TPST1: variants seen among roughly 807,000 people sequenced by gnomAD.
TPST1 encodes tyrosylprotein sulfotransferase 1.
In TPST1, 20 loss-of-function variants were observed where a neutral mutation model predicts 34.8. The observed-to-expected ratio is 0.57, with a 90% CI of 0.40 to 0.84. The LOEUF is 0.84. Ranked by LOEUF, TPST1 falls within the 40% of genes least tolerant of loss-of-function variation. The pLI is 0.00. For missense variants in TPST1, 353 were observed against 455.5 expected, an observed-to-expected ratio of 0.78 and a Z score of 2.05; for synonymous variants, 152 against 159.4, an observed-to-expected ratio of 0.95 and a Z score of 0.35.
intron 2 of TPST1, among the ~76,000 whole-genome samples, chr7:66,252,348 G>A (rs1450870775): frequency 4.5e-5 from 6 of 132,424 alleles, no homozygotes; most frequent in Admixed American, 7.9e-5. Context: ...TTGAGCCACC[G>A]CGCCCAGCCT....
chr7:66,238,591 C>T (rs1435855954), intron 1 of TPST1, among the ~76,000 whole-genome samples: 1 of 152,140 alleles, frequency 6.6e-6, no homozygotes, highest in African/African-American at 2.4e-5. Flanking sequence ...TCCAGGAAAC[C>T]TCAGTCTTTG....
At chr7:66,246,311 G>A in intron 2 of TPST1, among the ~76,000 whole-genome samples, 1 of 150,092 alleles carries the variant, frequency 6.7e-6, no homozygotes, top group African/African-American at 2.4e-5. Flanking sequence ...GATTACCGCT[G>A]TGAGCTGCCA....
intron 3 of TPST1, among the ~76,000 whole-genome samples, chr7:66,306,734 T>C (rs1030514599): frequency 6.6e-6 from 1 of 152,196 alleles, no homozygotes; most frequent in African/African-American, 2.4e-5. Flanking sequence ...TGTTTTGAGA[T>C]GGAGTTTCAC....
chr7:66,273,005 T>A (rs1790735217), intron 2 of TPST1, among the ~76,000 whole-genome samples: 1 of 152,190 alleles, frequency 6.6e-6, no homozygotes, highest in Admixed American at 6.5e-5. Flanking sequence ...CTCTGTTTGC[T>A]GATGACATGA....
rs541950477 is a variant in TPST1 at position 66,208,737 on chromosome 7, G to T, written c.-102+3215G>T. Among the ~76,000 whole-genome samples the T allele has an allele frequency of 2.0e-5, 3 of 152,182 alleles. No individual in the cohort carries two copies. The East Asian group carries it at 5.8e-4, about 30-fold the overall frequency. On this transcript the variant is annotated intron_variant, in intron 1 of 5. Coordinates refer to ENST00000304842, the MANE Select transcript of TPST1 (RefSeq NM_003596.4). ...GCCTGCCTCAGCCTCCCAAAGTGCT[G>T]GGATTACAGGCGTGAGCCACTGTGC...
rs1789446347 is a variant in TPST1 at position 66,217,429 on chromosome 7, CTT to C, written c.-102+11908_-102+11909del. Among the ~76,000 whole-genome samples the C allele has an allele frequency of 2.0e-5, 3 of 152,128 alleles. 1 individual carries two copies. In the South Asian group the frequency reaches 6.2e-4, roughly 31 times the overall value. On this transcript the variant is annotated intron_variant, in intron 1 of 5. Coordinates refer to ENST00000304842, the MANE Select transcript of TPST1 (RefSeq NM_003596.4). ...TTTGATGAATTGTTGGATTTTCCCTCTTATAAAATGTCTTTTTTGTCTCTTTT... is the reference window on the plus strand; with the variant it reads ...TTTGATGAATTGTTGGATTTTCCCTCATAAAATGTCTTTTTTGTCTCTTTT...
chr7:66,328,886 C>CTCTCTCTATATA lies in TPST1; in HGVS notation c.1045-23618_1045-23617insCTCTCTATATAT, dbSNP rs757168858. 2.8e-3 allele frequency among the ~76,000 whole-genome samples: 61 copies of CTCTCTCTATATA among 22,082 alleles called. 2 individuals are homozygous for CTCTCTCTATATA. Among genetic ancestry groups the CTCTCTCTATATA allele is most frequent in the Non-Finnish European group, 3.8e-3 (52 of 13,590 alleles). 14.5% of individuals were successfully genotyped at this position (22,082 alleles called of 152,430 possible). A position where few individuals can be genotyped will look rare whatever the true frequency, so the allele number is the denominator to read the frequency against. The stretch of plus-strand genomic sequence containing the variant: ...TCTCTCTCTCTCTCTCTCTCTCTCT[C>CTCTCTCTATATA]TATATATATATATATATATATTTTT... On this transcript the variant is annotated intron_variant, in intron 3 of 5. Coordinates refer to ENST00000304842, the MANE Select transcript of TPST1 (RefSeq NM_003596.4).
At chr7:66,335,410 G>A (rs546660459) in intron 3 of TPST1, among the ~76,000 whole-genome samples, 7 of 150,942 alleles carry the variant, frequency 4.6e-5, no homozygotes, top group South Asian at 2.1e-4. Context: ...AGCCAAGATC[G>A]CACCACTGAA....
intron 2 of TPST1, 24 bp from the exon 3 acceptor site, chr7:66,286,487 T>G (rs775010051): frequency 6.8e-7 from 1 of 1,469,118 alleles, no homozygotes; most frequent in Non-Finnish European, 9.0e-7. Flanking sequence ...AAATAAATAT[T>G]TATTCATATT....
At chr7:66,324,020 A>G (rs188575128) in intron 3 of TPST1, among the ~76,000 whole-genome samples, 15 of 152,372 alleles carry the variant, frequency 9.8e-5, no homozygotes, top group African/African-American at 3.4e-4. Context: ...ATGGGTAAAC[A>G]AAATGTGGTA....
At chr7:66,308,441 A>G (rs1356054291) in intron 3 of TPST1, among the ~76,000 whole-genome samples, 1 of 152,168 alleles carries the variant, frequency 6.6e-6, no homozygotes, top group African/African-American at 2.4e-5. Context: ...AGGCAGCTCT[A>G]ATGTAACCCC....
intron 3 of TPST1, among the ~76,000 whole-genome samples, chr7:66,347,105 T>A (rs1427999172): frequency 1.5e-5 from 2 of 129,092 alleles, no homozygotes; most frequent in East Asian, 5.1e-4. Context: ...TCTCACTCTG[T>A]CTCCCAGGCT....
At chr7:66,320,173 C>T (rs1285508662) in intron 3 of TPST1, among the ~76,000 whole-genome samples, 1 of 151,976 alleles carries the variant, frequency 6.6e-6, no homozygotes, top group Non-Finnish European at 1.5e-5. Context: ...AGCTATGTTC[C>T]TGGTAACCTT....
Position 66,210,146 on chromosome 7 carries a change from G to C in TPST1, c.-102+4624G>C, listed in dbSNP as rs1789213532. 1.3e-5 allele frequency among the ~76,000 whole-genome samples: 2 copies of C among 152,194 alleles called. 1 individual carries two copies. The highest frequency in any genetic ancestry group is 4.1e-4 in the South Asian group (2 of 4,832). On this transcript the variant is annotated intron_variant, in intron 1 of 5. Transcript: ENST00000304842. ...TTTGGGAGTGAATTTGTGGAGTAAGGAGAACTGGTTAGGTGTATAGGTGAG... is the reference window on the plus strand; with the variant it reads ...TTTGGGAGTGAATTTGTGGAGTAAGCAGAACTGGTTAGGTGTATAGGTGAG...
chr7:66,201,107 A>G (rs1463951306), upstream of TPST1, among the ~76,000 whole-genome samples: 1 of 152,300 alleles, frequency 6.6e-6, no homozygotes, highest in South Asian at 2.1e-4. Context: ...AGAAACGCAG[A>G]AAGAGTGTTC....
chr7:66,344,701 T>A (rs997393783), intron 3 of TPST1, among the ~76,000 whole-genome samples: 1 of 145,396 alleles, frequency 6.9e-6, no homozygotes, highest in African/African-American at 2.6e-5. Context: ...GTGAGGCACC[T>A]CACCCAGCCA....
At chr7:66,343,063 G>A (rs1298659703) in intron 3 of TPST1, among the ~76,000 whole-genome samples, 1 of 152,060 alleles carries the variant, frequency 6.6e-6, no homozygotes, top group Non-Finnish European at 1.5e-5. Flanking sequence ...CTAAAAGACT[G>A]AGAACTAATT....
chr7:66,214,967 AT>A (rs34012021), intron 1 of TPST1, among the ~76,000 whole-genome samples: 94,381 of 146,394 alleles, frequency 0.64, 30,879 homozygotes, highest in African/African-American at 0.74. Flanking sequence ...ACACTAAATA[AT>A]TTATAAGATA....
intron 1 of TPST1, among the ~76,000 whole-genome samples, chr7:66,219,047 A>ATTTTTTTTTTTTTTTTTTTT (rs376698635): frequency 9.2e-6 from 1 of 108,912 alleles, no homozygotes; most frequent in Non-Finnish European, 1.8e-5. Context: ...CGCCTGGCTA[A>ATTTTTTTTTTTTTTTTTTTT]TTTTTTTTTT....
Sources: allele counts gnomAD v4.1 joint callset (sites outside exome capture counted in the v4.1 genomes callset), GRCh38; gene constraint gnomAD v4.1.1; transcripts MANE v1.5; gene names NCBI Gene and HGNC (gene_info 2026-07-23, HGNC 2026-07-21).